The following SLC24A2 variants were observed in gnomAD, a reference collection of about 807,000 sequenced individuals.
The protein encoded by SLC24A2 is solute carrier family 24 member 2, also known as sodium/potassium/calcium exchanger 2.
In SLC24A2, 36 loss-of-function variants were observed where a neutral mutation model predicts 62.0. The ratio of observed to expected loss-of-function variants is 0.58; its 90% confidence interval spans 0.44 to 0.77. The LOEUF (loss-of-function observed/expected upper bound fraction) is 0.77, where lower values mean the gene tolerates loss of function less well. Among genes scored for constraint, SLC24A2 ranks in the 30% least tolerant of loss-of-function variants. SLC24A2 has a pLI of 0.00. For synonymous variants in SLC24A2, 358 were observed against 294.0 expected (o/e 1.22, Z -2.23); for missense variants, 846 against 817.9 (o/e 1.03, Z -0.42).
the SLC24A2 span, among the ~76,000 whole-genome samples, chr9:19,807,291 T>C: frequency 1.3e-5 from 2 of 152,242 alleles, no homozygotes; most frequent in African/African-American, 4.8e-5. Context: ...TTGAAATTTA[T>C]GTAAGAACTT....
the SLC24A2 span, among the ~76,000 whole-genome samples, chr9:20,100,105 G>A: frequency 6.6e-6 from 1 of 152,120 alleles, no homozygotes; most frequent in South Asian, 2.1e-4. Flanking sequence ...GTCCTCCTGG[G>A]CTCAGGTGAT....
At chr9:19,910,475 ACCCC>A in the SLC24A2 span, among the ~76,000 whole-genome samples, 1 of 151,934 alleles carries the variant, frequency 6.6e-6, no homozygotes. Flanking sequence ...TATGCTTATA[ACCCC>A]TCAAAAACAT....
At chr9:20,016,821 A>C in the SLC24A2 span, among the ~76,000 whole-genome samples, 7 of 152,296 alleles carry the variant, frequency 4.6e-5, no homozygotes, top group African/African-American at 1.4e-4. Flanking sequence ...GAGGAGAGTG[A>C]AACCACAGAA....
chr9:19,665,456 T>C (rs1417767125), intron 2 of SLC24A2, among the ~76,000 whole-genome samples: 1 of 152,098 alleles, frequency 6.6e-6, no homozygotes, highest in Non-Finnish European at 1.5e-5. Context: ...AGGAAGTTTA[T>C]CATGATTGAT....
intron 2 of SLC24A2, among the ~76,000 whole-genome samples, chr9:19,735,693 T>G (rs1435479905): frequency 1.3e-5 from 2 of 151,996 alleles, no homozygotes; most frequent in Non-Finnish European, 2.9e-5. Flanking sequence ...AAATGATGAG[T>G]TCATGTCCTT....
chr9:19,982,513 AG>A, the SLC24A2 span, among the ~76,000 whole-genome samples: 2 of 152,202 alleles, frequency 1.3e-5, no homozygotes, highest in Admixed American at 1.3e-4. Context: ...TGGCTATAAA[AG>A]GAAGAATAGA....
the SLC24A2 span, among the ~76,000 whole-genome samples, chr9:19,913,751 T>C: frequency 6.6e-6 from 1 of 152,224 alleles, no homozygotes; most frequent in Admixed American, 6.5e-5. Context: ...TTTTGTTGAA[T>C]AAGGAAACCA....
chr9:20,231,479 T>C, the SLC24A2 span, among the ~76,000 whole-genome samples: 1 of 152,192 alleles, frequency 6.6e-6, no homozygotes, highest in Non-Finnish European at 1.5e-5. Flanking sequence ...CCTAGGTATT[T>C]TATTCTCTTT....
At chr9:20,051,657 C>CTTTTTTTTTTTTTTTTTTTTTTTTTTTT in the SLC24A2 span, among the ~76,000 whole-genome samples, 2 of 73,512 alleles carry the variant, frequency 2.7e-5, no homozygotes, top group Non-Finnish European at 4.8e-5. Flanking sequence ...TTTTCTTTCT[C>CTTTTTTTTTTTTTTTTTTTTTTTTTTTT]TTTTTTTTTT....
At chr9:20,199,595 C>T in the SLC24A2 span, among the ~76,000 whole-genome samples, 5 of 151,974 alleles carry the variant, frequency 3.3e-5, no homozygotes, top group Non-Finnish European at 5.9e-5. Context: ...TTTTTCAATT[C>T]ACTTTGAGAA....
chr9:20,215,762 C>T, the SLC24A2 span, among the ~76,000 whole-genome samples: 2 of 152,166 alleles, frequency 1.3e-5, no homozygotes, highest in African/African-American at 4.8e-5. Context: ...ACAGATCCAC[C>T]CCTGAGGTAG....
intron 7 of SLC24A2, among the ~76,000 whole-genome samples, chr9:19,551,192 C>T (rs2132750821): frequency 6.6e-6 from 1 of 152,312 alleles, no homozygotes; most frequent in Admixed American, 6.5e-5. Context: ...AAATTCTAAA[C>T]CATTGTACTT....
chr9:19,885,506 C>G, the SLC24A2 span, among the ~76,000 whole-genome samples: 4 of 152,142 alleles, frequency 2.6e-5, no homozygotes, highest in Non-Finnish European at 1.5e-5. Flanking sequence ...TTATCCTCTC[C>G]CCATTTTATA....
the SLC24A2 span, among the ~76,000 whole-genome samples, chr9:20,292,585 G>T: frequency 6.6e-6 from 1 of 152,052 alleles, no homozygotes; most frequent in Admixed American, 6.5e-5. Flanking sequence ...ACAGAAATTC[G>T]TTGTCTTACG....
intron 2 of SLC24A2, among the ~76,000 whole-genome samples, chr9:19,643,551 GTCAGA>G (rs1818562183): frequency 6.6e-6 from 1 of 152,178 alleles, no homozygotes; most frequent in Admixed American, 6.5e-5. Flanking sequence ...ATCCAGACGT[GTCAGA>G]TGATGGAGAA....
At chr9:19,670,299 T>C (rs1819378641) in intron 2 of SLC24A2, among the ~76,000 whole-genome samples, 1 of 152,176 alleles carries the variant, frequency 6.6e-6, no homozygotes, top group Non-Finnish European at 1.5e-5. Flanking sequence ...GACATCCTAG[T>C]TCCCAGTGCT....
At chr9:19,725,656 T>C (rs555023166) in intron 2 of SLC24A2, among the ~76,000 whole-genome samples, 2 of 152,312 alleles carry the variant, frequency 1.3e-5, no homozygotes, top group East Asian at 1.9e-4. Flanking sequence ...TGAGACGGTA[T>C]ATGAATAAAG....
the SLC24A2 span, among the ~76,000 whole-genome samples, chr9:20,032,794 C>T: frequency 6.6e-6 from 1 of 152,092 alleles, no homozygotes; most frequent in South Asian, 2.1e-4. Flanking sequence ...AGGAAGGACC[C>T]AACCCAGGGA....
chr9:19,908,732 T>G, the SLC24A2 span, among the ~76,000 whole-genome samples: 1 of 152,098 alleles, frequency 6.6e-6, no homozygotes, highest in Non-Finnish European at 1.5e-5. Context: ...CATGAAAAAA[T>G]GCTTATCATC....
Sources: allele counts gnomAD v4.1 joint callset (sites outside exome capture counted in the v4.1 genomes callset), GRCh38; gene constraint gnomAD v4.1.1; transcripts MANE v1.5; gene names NCBI Gene and HGNC (gene_info 2026-07-23, HGNC 2026-07-21).